OR2A12: variants seen among roughly 807,000 people sequenced by gnomAD.
The protein encoded by OR2A12 is olfactory receptor 2A12.
For missense variants in OR2A12, 380 were observed against 372.5 expected (o/e 1.02, Z -0.17); for synonymous variants, 153 against 149.3 (o/e 1.02, Z -0.18).
At chr7:144,091,485 T>A (rs578238085) in intron 1 of OR2A12, among the ~76,000 whole-genome samples, 16 of 152,348 alleles carry the variant, frequency 1.1e-4, no homozygotes, top group African/African-American at 3.8e-4. Context: ...CAACAGTGTA[T>A]AAGTGTTCCC....
At position 144,095,429 on chromosome 7, in the gene OR2A12, A is replaced by G. The variant is rs754327975; in HGVS notation, c.322A>G (p.Ile108Val). ...GACTTTTTTGTATTTGGCGTTTGCTATTACAGAGTGTCTGATTTTGGTGAT... is the reference window on the plus strand; with the variant it reads ...GACTTTTTTGTATTTGGCGTTTGCTGTTACAGAGTGTCTGATTTTGGTGAT... ...LQTFLYLAFA[I>V]TECLILVMMC... Residue 108 changes from isoleucine (I) to valine (V), a missense_variant, in exon 2 of 2, where the codon ATT becomes GTT. By Grantham distance (29) the Ile-to-Val change is conservative (BLOSUM62 3). Coordinates refer to ENST00000641592, the MANE Select transcript of OR2A12 (RefSeq NM_001004135.2). The G allele has an allele frequency of 2.5e-6, 4 of 1,613,976 alleles. No homozygotes were observed. Among genetic ancestry groups the G allele is most frequent in the East Asian group, 2.2e-5 (1 of 44,860 alleles).
In OR2A12 at chr7:144,095,697, T is replaced by C. The variant is rs747174962; in HGVS notation, c.590T>C (p.Val197Ala). 1 of 1,614,106 alleles carries C rather than the reference T, an allele frequency of 6.2e-7. No homozygotes were observed. Reference sequence around the variant, plus strand: ...GCTGACACTAGGCTCAACCAGGTGGTCCTATTTGCGGGTTCTGCGTTCATC... The same window carrying C: ...GCTGACACTAGGCTCAACCAGGTGGCCCTATTTGCGGGTTCTGCGTTCATC... ...ACADTRLNQV[V>A]LFAGSAFILV... The change falls in exon 2 of 2, where the codon GTC (valine) becomes GCC (alanine). Residue 197 changes from valine (V) to alanine (A), a missense_variant. Coordinates refer to ENST00000641592, the MANE Select transcript of OR2A12 (RefSeq NM_001004135.2).
At position 144,095,178 on chromosome 7, in the gene OR2A12, T is replaced by C; in HGVS notation, c.71T>C (p.Leu24Ser). 1.2e-6 allele frequency: 2 copies of C among 1,614,078 alleles called. No individual in the cohort carries two copies. The highest frequency in any genetic ancestry group is 1.7e-6 in the Non-Finnish European group (2 of 1,179,974). The change falls in exon 2 of 2, where the codon TTG (leucine) becomes TCG (serine). Residue 24 changes from leucine (L) to serine (S), a missense_variant. By Grantham distance (145) the Leu-to-Ser change is moderately radical. Coordinates refer to ENST00000641592, the MANE Select transcript of OR2A12 (RefSeq NM_001004135.2). ...LGFQVDPALE[L>S]FLFGFFLLFY... is the part of the protein sequence containing the mutation. ...TTCCAGGTGGACCCAGCTCTGGAGT[T>C]GTTCCTCTTTGGGTTTTTCTTGCTA...
intron 1 of OR2A12, among the ~76,000 whole-genome samples, chr7:144,094,003 G>T (rs1415625301): frequency 1.3e-5 from 2 of 152,076 alleles, no homozygotes; most frequent in African/African-American, 4.8e-5. Flanking sequence ...AGATACTGTT[G>T]TTCTATACAT....
rs1051759495 is a variant in OR2A12, at chr7:144,095,253, A to T, written c.146A>T (p.Tyr49Phe). The change falls in exon 2 of 2, where the codon TAC becomes TTC. Residue 49 changes from tyrosine (Y) to phenylalanine (F), a missense_variant. Tyr to Phe is a conservative substitution (Grantham distance 22). Transcript: ENST00000641592. ...MGNGIILGLI[Y>F]LDSRLHTPMY... ...AATGGGATTATCCTGGGGCTCATCT[A>T]CTTGGACTCTAGACTGCACACACCC... The T allele has an allele frequency of 6.2e-7, 1 of 1,613,994 alleles. No individual in the cohort carries two copies. Among genetic ancestry groups the T allele is most frequent in the Admixed American group, 1.7e-5 (1 of 60,014 alleles).
chr7:144,093,291 T>C (rs1012579865), intron 1 of OR2A12, among the ~76,000 whole-genome samples: 7 of 152,148 alleles, frequency 4.6e-5, no homozygotes, highest in Non-Finnish European at 1.0e-4. Flanking sequence ...TAGGAAACTA[T>C]CACATCTAAA....
At position 144,097,378 on chromosome 7, in the gene OR2A12, G is replaced by A. The variant is rs1260427483; in HGVS notation, c.*1338G>A. ...GTAAATAAATAGATACACAATGTGTGGTATGCCAAGTTCTTGGACTGAAAA... is the reference window on the plus strand; with the variant it reads ...GTAAATAAATAGATACACAATGTGTAGTATGCCAAGTTCTTGGACTGAAAA... On this transcript the variant is annotated 3_prime_UTR_variant, in exon 2 of 2. Transcript: ENST00000641592. 1.3e-5 allele frequency: 2 copies of A among 152,004 alleles called. No homozygotes were observed. The highest frequency in any genetic ancestry group is 2.9e-5 in the Non-Finnish European group (2 of 67,988). The allele number at this position is 152,004 out of a possible 1,614,324, so 9.4% of individuals were successfully genotyped here.
In OR2A12 at chr7:144,086,557, T is replaced by G. The variant is rs1205161255; in HGVS notation, c.-52+14T>G. On this transcript the variant is annotated intron_variant, in intron 1 of 1. Transcript: ENST00000641592. ...TGGACTCCACAGGTATGTCTCTGGA[T>G]AATGGGCCTCTTTTAAGTAATCAGA... The G allele has an allele frequency of 1.3e-5, 2 of 152,268 alleles. No homozygotes were observed. Among genetic ancestry groups the G allele is most frequent in the African/African-American group, 4.8e-5 (2 of 41,426 alleles). 9.4% of individuals were successfully genotyped at this position (152,268 alleles called of 1,614,324 possible).
chr7:144,095,360 G>C lies in OR2A12; in HGVS notation c.253G>C (p.Val85Leu). The part of the protein sequence containing the change: ...STVPKMLANL[V>L]MHKKVISFAP... ...TGTCCCTAAGATGCTAGCAAATCTT[G>C]TGATGCACAAAAAAGTCATCTCCTT... The change falls in exon 2 of 2, where the codon GTG (valine) becomes CTG (leucine). Residue 85 changes from valine (V) to leucine (L), a missense_variant. Transcript: ENST00000641592. 1.2e-6 allele frequency: 2 copies of C among 1,613,468 alleles called. No homozygotes were observed. The highest frequency in any genetic ancestry group is 1.7e-6 in the Non-Finnish European group (2 of 1,179,438).
rs1012241387 is a variant in OR2A12, at chr7:144,097,872, G to T, written c.*1832G>T. 1 of 152,102 alleles carries T rather than the reference G, an allele frequency of 6.6e-6. No homozygotes were observed. The highest frequency in any genetic ancestry group is 2.4e-5 in the African/African-American group (1 of 41,410). The allele number at this position is 152,102 out of a possible 1,614,324, so 9.4% of individuals were successfully genotyped here. A position where few individuals can be genotyped will look rare whatever the true frequency, so the allele number is the denominator to read the frequency against. On this transcript the variant is annotated 3_prime_UTR_variant, in exon 2 of 2. Coordinates refer to ENST00000641592, the MANE Select transcript of OR2A12 (RefSeq NM_001004135.2). ...TAAGTGTCAAAGGCAGAACTCTAAA[G>T]CTTTTAGAAGATATACAAGAGAAGG...
At chr7:144,087,317 C>T (rs1474332639) in intron 1 of OR2A12, among the ~76,000 whole-genome samples, 1 of 152,142 alleles carries the variant, frequency 6.6e-6, no homozygotes, top group South Asian at 2.1e-4. Flanking sequence ...GATTTCTCTC[C>T]TATTTCTTCT....
At chr7:144,088,383 T>G (rs1289150946) in intron 1 of OR2A12, among the ~76,000 whole-genome samples, 1 of 152,222 alleles carries the variant, frequency 6.6e-6, no homozygotes, top group South Asian at 2.1e-4. Context: ...CACTGCCACA[T>G]TCACTCAATT....
Position 144,095,304 on chromosome 7 carries a change from CCATTGTGGA to C in OR2A12, c.201_209del (p.Ile67_Asp69del). 6.2e-7 allele frequency: 1 copy of C among 1,613,762 alleles called. No homozygotes were observed. The highest frequency in any genetic ancestry group is 8.5e-7 in the Non-Finnish European group (1 of 1,179,734). On this transcript the variant is annotated inframe_deletion, in exon 2 of 2. Coordinates refer to ENST00000641592, the MANE Select transcript of OR2A12 (RefSeq NM_001004135.2). ...ATGTATGTCTTCCTGTCACACCTGG[CCATTGTGGA>C]CATGTCCTATGCCTCGAGTACTGTC...
rs1563043042 is a variant in OR2A12, at chr7:144,095,875, C to T, written c.768C>T (p.Val256=). The change falls in exon 2 of 2, where the codon GTC becomes GTT. Residue 256 remains valine (V), a synonymous_variant. Coordinates refer to ENST00000641592, the MANE Select transcript of OR2A12 (RefSeq NM_001004135.2). Reference sequence around the variant, plus strand: ...GGCTTTTCTTTGGCAGCGCCATTGTCATGTACATGGCCCCCAAGTCAAGCC... The same window carrying T: ...GGCTTTTCTTTGGCAGCGCCATTGTTATGTACATGGCCCCCAAGTCAAGCC... ...VVGLFFGSAI[V]MYMAPKSSHS... 1 of 1,614,144 alleles carries T rather than the reference C, an allele frequency of 6.2e-7. No individual in the cohort carries two copies. The highest frequency in any genetic ancestry group is 1.3e-5 in the African/African-American group (1 of 75,034).
At chr7:144,088,386 A>G (rs1197182097) in intron 1 of OR2A12, among the ~76,000 whole-genome samples, 1 of 152,038 alleles carries the variant, frequency 6.6e-6, no homozygotes, top group African/African-American at 2.4e-5. Context: ...TGCCACATTC[A>G]CTCAATTGCT....
At chr7:144,094,064 C>G (rs1450058554) in intron 1 of OR2A12, among the ~76,000 whole-genome samples, 1 of 151,904 alleles carries the variant, frequency 6.6e-6, no homozygotes, top group Non-Finnish European at 1.5e-5. Context: ...CTTTGTTTTC[C>G]CTTTTTAGTG....
intron 1 of OR2A12, among the ~76,000 whole-genome samples, chr7:144,092,731 C>A (rs1345493998): frequency 6.6e-6 from 1 of 151,486 alleles, no homozygotes; most frequent in Non-Finnish European, 1.5e-5. Context: ...AATTTTTTTT[C>A]TATTTAAATT....
rs530824844 is a variant in OR2A12 at position 144,096,776 on chromosome 7, G to A, written c.*736G>A. ...TGAACATCTCAGTAGATCCAAGAAA[G>A]TGTTTGACAAGATTTAAGATCAATT... On this transcript the variant is annotated 3_prime_UTR_variant, in exon 2 of 2. Transcript: ENST00000641592. 1 of 152,228 alleles carries A rather than the reference G, an allele frequency of 6.6e-6. No homozygotes were observed. Among genetic ancestry groups the A allele is most frequent in the South Asian group, 2.1e-4 (1 of 4,820 alleles). The allele number at this position is 152,228 out of a possible 1,614,324, so 9.4% of individuals were successfully genotyped here. A position where few individuals can be genotyped will look rare whatever the true frequency, so the allele number is the denominator to read the frequency against.
rs1207016693 is a variant in OR2A12 at position 144,095,570 on chromosome 7, G to C, written c.463G>C (p.Ala155Pro). 6.2e-7 allele frequency: 1 copy of C among 1,614,010 alleles called. No individual in the cohort carries two copies. Among genetic ancestry groups the C allele is most frequent in the Admixed American group, 1.7e-5 (1 of 60,006 alleles). The part of the protein sequence containing the change: ...STCWIFSFLL[A>P]LVHITLILRL... ...TTGCTGGATATTTAGCTTTCTCTTG[G>C]CTCTGGTCCATATTACTCTTATTCT... Residue 155 changes from alanine to proline, a missense_variant, in exon 2 of 2, where the codon GCT (alanine) becomes CCT (proline). Ala to Pro is a conservative substitution (Grantham distance 27). Transcript: ENST00000641592.
Sources: gnomAD v4.1 joint callset for allele counts (sites outside exome capture counted in the v4.1 genomes callset) on GRCh38, gnomAD v4.1.1 for gene constraint, MANE v1.5 for transcripts, NCBI Gene and HGNC (gene_info 2026-07-23, HGNC 2026-07-21) for gene names.